Variants in ENTREP2 observed in about 807,000 individuals in gnomAD.
The protein encoded by ENTREP2 is protein ENTREP2.
the ENTREP2 span, among the ~76,000 whole-genome samples, chr15:29,600,435 C>T: frequency 3.4e-4 from 39 of 113,376 alleles, no homozygotes; most frequent in African/African-American, 1.4e-3. Context: ...CCAGTTCTCT[C>T]CCACCATCAT....
the ENTREP2 span, among the ~76,000 whole-genome samples, chr15:29,386,288 T>C: frequency 6.6e-6 from 1 of 152,116 alleles, no homozygotes; most frequent in South Asian, 2.1e-4. Context: ...CACTGAGGCT[T>C]TGGGACCTGC....
chr15:29,372,719 T>C, the ENTREP2 span, among the ~76,000 whole-genome samples: 1 of 152,176 alleles, frequency 6.6e-6, no homozygotes, highest in East Asian at 1.9e-4. Context: ...AATAAGTCAT[T>C]TGACTTATTA....
At chr15:29,385,163 A>G in the ENTREP2 span, among the ~76,000 whole-genome samples, 2 of 152,128 alleles carry the variant, frequency 1.3e-5, no homozygotes, top group African/African-American at 4.8e-5. Context: ...GTATTAAACT[A>G]TCAAAATTCT....
At chr15:29,308,491 C>G in the ENTREP2 span, among the ~76,000 whole-genome samples, 3 of 152,202 alleles carry the variant, frequency 2.0e-5, no homozygotes, top group African/African-American at 7.2e-5. Context: ...AGACCCTGTC[C>G]TGGGCGCCGA....
At chr15:29,523,305 A>C in the ENTREP2 span, among the ~76,000 whole-genome samples, 2 of 152,242 alleles carry the variant, frequency 1.3e-5, no homozygotes, top group African/African-American at 4.8e-5. Flanking sequence ...TACATGTGCA[A>C]TAAACAATCA....
the ENTREP2 span, among the ~76,000 whole-genome samples, chr15:29,567,149 C>T: frequency 2.0e-5 from 3 of 152,118 alleles, no homozygotes; most frequent in East Asian, 1.9e-4. Context: ...TGGCACAGCC[C>T]GGCACAGGAA....
the ENTREP2 span, among the ~76,000 whole-genome samples, chr15:29,141,619 C>T: frequency 1.3e-5 from 2 of 152,344 alleles, no homozygotes; most frequent in African/African-American, 4.8e-5. Context: ...TCCCTGCTCC[C>T]TCTACCAATG....
At chr15:29,187,522 C>T in the ENTREP2 span, among the ~76,000 whole-genome samples, 5 of 152,082 alleles carry the variant, frequency 3.3e-5, no homozygotes, top group Admixed American at 2.0e-4. Flanking sequence ...GTGATCCACC[C>T]GCTTCAGCCT....
At chr15:29,279,454 T>A in the ENTREP2 span, among the ~76,000 whole-genome samples, 1 of 151,794 alleles carries the variant, frequency 6.6e-6, no homozygotes, top group Non-Finnish European at 1.5e-5. Context: ...AACCTCCACC[T>A]CCCGGGTTCA....
the ENTREP2 span, among the ~76,000 whole-genome samples, chr15:29,131,758 G>T: frequency 1.7e-4 from 24 of 138,038 alleles, no homozygotes; most frequent in Non-Finnish European, 4.6e-5. Flanking sequence ...ACGACAGGGG[G>T]ATTCTGTCCT....
At chr15:29,467,259 T>C in the ENTREP2 span, among the ~76,000 whole-genome samples, 3 of 152,172 alleles carry the variant, frequency 2.0e-5, no homozygotes, top group South Asian at 6.2e-4. Flanking sequence ...GAGTGAACAA[T>C]GGACAAGAAA....
the ENTREP2 span, among the ~76,000 whole-genome samples, chr15:29,620,579 G>A: frequency 6.4e-4 from 97 of 152,102 alleles, no homozygotes; most frequent in African/African-American, 1.7e-3. Context: ...TCCAGGCTCC[G>A]ATGAAGTATG....
At chr15:29,556,773 G>A in the ENTREP2 span, among the ~76,000 whole-genome samples, 5 of 50,928 alleles carry the variant, frequency 9.8e-5, no homozygotes, top group Admixed American at 1.9e-4. Context: ...CCCCCCCCCC[G>A]CCCCACATGT....
At chr15:29,649,004 C>A in the ENTREP2 span, among the ~76,000 whole-genome samples, 1 of 151,498 alleles carries the variant, frequency 6.6e-6, no homozygotes. Flanking sequence ...TGAGCCATCT[C>A]AAATAGTAGA....
chr15:29,276,858 A>T, the ENTREP2 span, among the ~76,000 whole-genome samples: 1 of 152,176 alleles, frequency 6.6e-6, no homozygotes, highest in Non-Finnish European at 1.5e-5. Context: ...AAGAAATGAG[A>T]CTTTGGAGCT....
chr15:29,130,292 A>C, the ENTREP2 span, among the ~76,000 whole-genome samples: 1 of 152,098 alleles, frequency 6.6e-6, no homozygotes, highest in Non-Finnish European at 1.5e-5. Context: ...CTGGGAGGGA[A>C]TCGGTGAGGG....
the ENTREP2 span, among the ~76,000 whole-genome samples, chr15:29,240,687 A>G: frequency 2.0e-4 from 31 of 152,330 alleles, no homozygotes; most frequent in East Asian, 5.2e-3. Context: ...ATAGCAGCAC[A>G]CAACAGACTA....
chr15:29,286,318 T>A, the ENTREP2 span, among the ~76,000 whole-genome samples: 1 of 152,244 alleles, frequency 6.6e-6, no homozygotes. Flanking sequence ...ACTGAATTTA[T>A]CAAAGTAGCT....
At chr15:29,490,048 A>G in the ENTREP2 span, among the ~76,000 whole-genome samples, 1 of 152,266 alleles carries the variant, frequency 6.6e-6, no homozygotes, top group Non-Finnish European at 1.5e-5. Context: ...AATGAATTAT[A>G]TAGTCAAAGG....
Sources: allele counts gnomAD v4.1 joint callset (sites outside exome capture counted in the v4.1 genomes callset), GRCh38; gene constraint gnomAD v4.1.1; transcripts MANE v1.5; gene names NCBI Gene and HGNC (gene_info 2026-07-23, HGNC 2026-07-21).